PRMT7: variants seen among roughly 807,000 people sequenced by gnomAD.
PRMT7 encodes protein arginine N-methyltransferase 7.
In PRMT7, 75 loss-of-function variants were observed where a neutral mutation model predicts 85.4. The observed-to-expected ratio is 0.88, with a 90% confidence interval of 0.73 to 1.06. The LOEUF (loss-of-function observed/expected upper bound fraction) is 1.06. Ranked by LOEUF, PRMT7 falls within the 50% of genes least tolerant of loss-of-function variation. PRMT7 has a pLI of 0.00. For missense variants in PRMT7, 868 were observed against 915.2 expected (o/e 0.95, Z 0.67); for synonymous variants, 397 against 359.5 (o/e 1.10, Z -1.18).
rs774044075 is a variant in PRMT7 at position 68,352,455 on chromosome 16, TG to T, written c.1575+50del. 5.2e-6 allele frequency: 8 copies of T among 1,549,638 alleles called. No homozygotes were observed. In the Admixed American group the frequency reaches 1.5e-4, roughly 29 times the overall value. On this transcript the variant is annotated intron_variant, in intron 15 of 18. Transcript: ENST00000441236. ...TGGAGAAAAAAGCAGAGGAGGCGGGTGGGGAACCTTGTTTTCTTGCAGGAAC... is the reference window on the plus strand; with the variant it reads ...TGGAGAAAAAAGCAGAGGAGGCGGGTGGGAACCTTGTTTTCTTGCAGGAAC...
intron 6 of PRMT7, among the ~76,000 whole-genome samples, chr16:68,335,310 T>C (rs3785113): frequency 0.15 from 22,676 of 152,092 alleles, 1,879 homozygotes; most frequent in African/African-American, 0.22. Context: ...TCAGCGGTCC[T>C]GCTGTCCTGG....
intron 5 of PRMT7, among the ~76,000 whole-genome samples, chr16:68,325,232 G>A (rs146416992): frequency 6.6e-6 from 1 of 152,336 alleles, no homozygotes; most frequent in East Asian, 1.9e-4. Context: ...ATGGTGGCAT[G>A]TGCCTGTGTT....
intron 5 of PRMT7, among the ~76,000 whole-genome samples, chr16:68,328,806 C>T (rs974826527): frequency 1.3e-5 from 2 of 152,144 alleles, no homozygotes; most frequent in African/African-American, 4.8e-5. Flanking sequence ...GCGGTACTGA[C>T]ACCTACTGCT....
At chr16:68,325,335 A>G (rs1299741484) in intron 5 of PRMT7, among the ~76,000 whole-genome samples, 1 of 152,246 alleles carries the variant, frequency 6.6e-6, no homozygotes, top group Non-Finnish European at 1.5e-5. Flanking sequence ...GTAAGAAAGC[A>G]AAAAATTACT....
chr16:68,330,642 T>C (rs1433346007), intron 6 of PRMT7, among the ~76,000 whole-genome samples: 2 of 152,188 alleles, frequency 1.3e-5, no homozygotes, highest in African/African-American at 4.8e-5. Flanking sequence ...TTGCCCAGGC[T>C]GGAGTGCAAT....
At chr16:68,340,057 A>G in intron 9 of PRMT7, 89 bp downstream of exon 9, 1 of 1,322,706 alleles carries the variant, frequency 7.6e-7, no homozygotes, top group African/African-American at 1.5e-5. Context: ...TGGACCCAGG[A>G]GAATTTAGAG....
At chr16:68,356,905 C>T (rs926443947) in intron 18 of PRMT7, 108 bp downstream of exon 18, 29 of 1,378,840 alleles carry the variant, frequency 2.1e-5, no homozygotes, top group South Asian at 1.1e-4. Context: ...ACAAGTTCTT[C>T]GGGCCAGATG....
chr16:68,324,526 C>A, intron 4 of PRMT7, 157 bp from the exon 5 acceptor site: 1 of 794,956 alleles, frequency 1.3e-6, no homozygotes, highest in Non-Finnish European at 2.0e-6. Flanking sequence ...ACTCACAAGA[C>A]CTGCCCAACT....
In PRMT7 at chr16:68,357,353, G is replaced by A. The variant is rs1032005502; in HGVS notation, c.*129G>A. 4.1e-5 allele frequency: 42 copies of A among 1,020,202 alleles called. No homozygotes were observed. Among genetic ancestry groups the A allele is most frequent in the Non-Finnish European group, 2.8e-5 (20 of 706,482 alleles). The allele number at this position is 1,020,202 out of a possible 1,614,324, so 63.2% of individuals were successfully genotyped here. ...CGGCCTCAGGGATGGGAAAGACTGC[G>A]CCGTGTTGCATCTTGTTGCATCTTT... is the stretch of plus-strand genomic sequence containing the variant. On this transcript the variant is annotated 3_prime_UTR_variant, in exon 19 of 19. Transcript: ENST00000441236.
Position 68,358,468 on chromosome 16 carries a change from T to A in PRMT7, c.*1244T>A, listed in dbSNP as rs999377912. ...TCTAGGGAAGAACCGTCTGGATATA[T>A]ATTTGATAATGTTTTTACCAAAACC... On this transcript the variant is annotated 3_prime_UTR_variant, in exon 19 of 19. Transcript: ENST00000441236. 1.3e-5 allele frequency: 2 copies of A among 152,700 alleles called. No individual in the cohort carries two copies. The highest frequency in any genetic ancestry group is 2.4e-5 in the African/African-American group (1 of 41,470). 9.5% of individuals were successfully genotyped at this position (152,700 alleles called of 1,614,324 possible).
chr16:68,330,271 A>G (rs1424694634), intron 6 of PRMT7, among the ~76,000 whole-genome samples: 1 of 152,186 alleles, frequency 6.6e-6, no homozygotes, highest in Non-Finnish European at 1.5e-5. Context: ...TAGAGAACAT[A>G]GTTGAAAGAT....
At chr16:68,317,858 A>C (rs12325457) in intron 3 of PRMT7, among the ~76,000 whole-genome samples, 2 of 150,634 alleles carry the variant, frequency 1.3e-5, no homozygotes. Flanking sequence ...AAAAAACCAC[A>C]CACACACAGA....
At chr16:68,332,168 G>T (rs2083998293) in intron 6 of PRMT7, among the ~76,000 whole-genome samples, 1 of 152,130 alleles carries the variant, frequency 6.6e-6, no homozygotes, top group African/African-American at 2.4e-5. Flanking sequence ...TTTAAGTCAG[G>T]CCTTCTCAAC....
intron 18 of PRMT7, 117 bp downstream of exon 18, chr16:68,356,914 T>TG (rs2088655575): frequency 7.3e-7 from 1 of 1,365,318 alleles, no homozygotes; most frequent in African/African-American, 1.4e-5. Context: ...TCGGGCCAGA[T>TG]GATGACCCCT....
chr16:68,352,127 A>AGAGGGAGG (rs1024815648), intron 14 of PRMT7, 121 bp from the exon 15 acceptor site: 32 of 1,000,004 alleles, frequency 3.2e-5, no homozygotes, highest in Non-Finnish European at 4.7e-5. Flanking sequence ...TGAGGGAGGG[A>AGAGGGAGG]GAGGGAGGGA....
intron 7 of PRMT7, among the ~76,000 whole-genome samples, chr16:68,338,334 G>A (rs2084997882): frequency 6.6e-6 from 1 of 152,058 alleles, no homozygotes; most frequent in Admixed American, 6.6e-5. Context: ...TGGATTGGAT[G>A]GTGGTGCTTC....
chr16:68,353,616 C>A, intron 16 of PRMT7, 50 bp downstream of exon 16: 1 of 1,479,634 alleles, frequency 6.8e-7, no homozygotes, highest in South Asian at 1.4e-5. Flanking sequence ...TCCTGTATCG[C>A]AGGCCTCTCA....
At chr16:68,356,192 G>C (rs1031165172) in intron 17 of PRMT7, among the ~76,000 whole-genome samples, 8 of 152,214 alleles carry the variant, frequency 5.3e-5, no homozygotes, top group African/African-American at 1.9e-4. Flanking sequence ...CCATTTTCCT[G>C]AACCCTCCTG....
intron 6 of PRMT7, among the ~76,000 whole-genome samples, chr16:68,332,923 T>A (rs1224422956): frequency 6.6e-6 from 1 of 152,194 alleles, no homozygotes; most frequent in Non-Finnish European, 1.5e-5. Flanking sequence ...TTTGCCCAGT[T>A]TTCTAGTTGA....
Sources: gnomAD v4.1 joint callset for allele counts (sites outside exome capture counted in the v4.1 genomes callset) on GRCh38, gnomAD v4.1.1 for gene constraint, MANE v1.5 for transcripts, NCBI Gene and HGNC (gene_info 2026-07-23, HGNC 2026-07-21) for gene names.